Variants in LPIN1 observed in about 807,000 individuals in gnomAD.
LPIN1 encodes lipin 1.
LPIN1 carries 71 observed loss-of-function variants against 107.5 expected under a neutral mutation model. That is an observed-to-expected ratio of 0.66 (90% CI 0.55 to 0.80). The LOEUF (loss-of-function observed/expected upper bound fraction) is 0.80, where lower values mean the gene tolerates loss of function less well. Among genes scored for constraint, LPIN1 ranks in the 30% least tolerant of loss-of-function variants. The probability of loss-of-function intolerance (pLI) is 0.00; values close to 1 mark genes in which losing one functional copy is unlikely to be tolerated. For synonymous variants in LPIN1, 445 were observed against 452.6 expected, an observed-to-expected ratio of 0.98 and a Z score of 0.21; for missense variants, 1,043 against 1,160.6, an observed-to-expected ratio of 0.90 and a Z score of 1.47.
chr2:11,812,802 T>C (rs1045112805), intron 17 of LPIN1, among the ~76,000 whole-genome samples: 3 of 152,124 alleles, frequency 2.0e-5, no homozygotes, highest in Non-Finnish European at 4.4e-5. Context: ...TACATTTTCT[T>C]AGAGCACCAC....
intron 13 of LPIN1, among the ~76,000 whole-genome samples, 187 bp from the exon 14 acceptor site, chr2:11,795,221 A>G (rs760824826): frequency 2.6e-5 from 4 of 152,054 alleles, no homozygotes; most frequent in Admixed American, 1.3e-4. Flanking sequence ...TTCTTAGCAA[A>G]GTTGAGATCA....
At chr2:11,763,043 C>CACGA (rs1416123968) in intron 1 of LPIN1, 3 of 152,328 alleles carry the variant, frequency 2.0e-5, no homozygotes, top group Admixed American at 2.0e-4. Context: ...CACGTGGCTT[C>CACGA]ACGAGTCCGC....
At chr2:11,732,870 A>G (rs540042480) in intron 1 of LPIN1, among the ~76,000 whole-genome samples, 145 of 151,658 alleles carry the variant, frequency 9.6e-4, no homozygotes, top group Non-Finnish European at 1.6e-3. Flanking sequence ...CAGAATTACA[A>G]GTGTCCATTT....
chr2:11,762,377 C>T (rs900427737), intron 1 of LPIN1, among the ~76,000 whole-genome samples: 3 of 146,308 alleles, frequency 2.1e-5, no homozygotes, highest in African/African-American at 7.6e-5. Context: ...TTGATTAACT[C>T]ATCGGCCATT....
chr2:11,784,742 T>C (rs1674199776), intron 9 of LPIN1, 144 bp from the exon 10 acceptor site: 2 of 795,304 alleles, frequency 2.5e-6, no homozygotes, highest in Admixed American at 1.8e-5. Flanking sequence ...TTCCTTGTCG[T>C]GGTGCTTTAA....
In LPIN1 at chr2:11,692,469, C is replaced by A. The variant is rs1572323795; in HGVS notation, c.81+14741C>A. Among the ~76,000 whole-genome samples, 5 of 152,388 alleles carry A rather than the reference C, an allele frequency of 3.3e-5. No homozygotes were observed. In the South Asian group the frequency reaches 1.0e-3, roughly 32 times the overall value. ...GAGCTTTGCAATGTTCCGGGTTCTA[C>A]CCCTGTTGATGTTGACTCAGTAGAT... On this transcript the variant is annotated intron_variant, in intron 1 of 21. Transcript: ENST00000449576.
intron 1 of LPIN1, among the ~76,000 whole-genome samples, chr2:11,753,218 C>CTT (rs1558805069): frequency 6.6e-6 from 1 of 152,088 alleles, no homozygotes; most frequent in African/African-American, 2.4e-5. Flanking sequence ...GCTTTGGTGG[C>CTT]GGGACCCCAG....
chr2:11,690,554 T>G (rs1445621580), intron 1 of LPIN1, among the ~76,000 whole-genome samples: 1 of 152,214 alleles, frequency 6.6e-6, no homozygotes, highest in Non-Finnish European at 1.5e-5. Flanking sequence ...TTCTTTGTGA[T>G]CTCCTTAATT....
At position 11,707,313 on chromosome 2, in the gene LPIN1, G is replaced by A. The variant is rs890016205; in HGVS notation, c.82-6443G>A. ...CAGAGACCAGCATGAAGTGAGAGAAGGAGGCTTAGGGAGAATCTGCCAGGC... is the reference window on the plus strand; with the variant it reads ...CAGAGACCAGCATGAAGTGAGAGAAAGAGGCTTAGGGAGAATCTGCCAGGC... On this transcript the variant is annotated intron_variant, in intron 1 of 21. Coordinates refer to the LPIN1 transcript ENST00000449576. This position sits in a 1 kb window ranked among gnomAD's most constrained non-coding sequence, Gnocchi z 4.2. Among the ~76,000 whole-genome samples the A allele has an allele frequency of 1.3e-5, 2 of 152,092 alleles. No homozygotes were observed. Among genetic ancestry groups the A allele is most frequent in the Non-Finnish European group, 2.9e-5 (2 of 68,016 alleles).
intron 14 of LPIN1, among the ~76,000 whole-genome samples, chr2:11,802,058 TG>T (rs1213815749): frequency 6.6e-6 from 1 of 152,110 alleles, no homozygotes; most frequent in Non-Finnish European, 1.5e-5. Context: ...TGTGCTGCTT[TG>T]GGGGCCACTC....
chr2:11,806,472 G>A (rs1003915921), intron 17 of LPIN1, among the ~76,000 whole-genome samples: 4 of 152,026 alleles, frequency 2.6e-5, no homozygotes, highest in Admixed American at 2.6e-4. Flanking sequence ...GGCACATGTC[G>A]ATAGTCCCAG....
At chr2:11,746,908 G>C (rs1454239689) in intron 1 of LPIN1, among the ~76,000 whole-genome samples, 1 of 152,186 alleles carries the variant, frequency 6.6e-6, no homozygotes. Context: ...AGCATCCCTC[G>C]GGCCTGGCTT....
intron 15 of LPIN1, among the ~76,000 whole-genome samples, chr2:11,804,167 G>A (rs575298224): frequency 3.3e-5 from 5 of 152,210 alleles, no homozygotes; most frequent in South Asian, 4.1e-4. Flanking sequence ...ACTATCCTGG[G>A]AAGTAGAACA....
At chr2:11,769,780 G>T (rs1419671072) in intron 3 of LPIN1, among the ~76,000 whole-genome samples, 1 of 152,170 alleles carries the variant, frequency 6.6e-6, no homozygotes, top group Non-Finnish European at 1.5e-5. Flanking sequence ...CCTTAAAGGG[G>T]TCTGATGTAG....
chr2:11,759,665 C>T (rs557707350), intron 1 of LPIN1, among the ~76,000 whole-genome samples: 2 of 152,394 alleles, frequency 1.3e-5, no homozygotes, highest in African/African-American at 4.8e-5. Context: ...CCGCCATTGT[C>T]ATCATGGCCC....
intron 17 of LPIN1, among the ~76,000 whole-genome samples, chr2:11,812,769 C>G (rs1445942749): frequency 6.6e-6 from 1 of 152,114 alleles, no homozygotes; most frequent in African/African-American, 2.4e-5. Context: ...CAGGAGGGCT[C>G]TGAGTGTGAG....
At chr2:11,814,365 G>A (rs1189809127) in intron 17 of LPIN1, among the ~76,000 whole-genome samples, 5 of 152,158 alleles carry the variant, frequency 3.3e-5, no homozygotes, top group African/African-American at 1.2e-4. Flanking sequence ...GAGAACAAGA[G>A]TCTGCTAGGA....
chr2:11,812,821 G>A (rs997049714), intron 17 of LPIN1, among the ~76,000 whole-genome samples: 9 of 152,304 alleles, frequency 5.9e-5, no homozygotes, highest in East Asian at 1.9e-4. Flanking sequence ...ACGTGGAGTC[G>A]GGATAGCAGC....
At chr2:11,775,778 T>C (rs932848813) in intron 5 of LPIN1, among the ~76,000 whole-genome samples, 3 of 151,730 alleles carry the variant, frequency 2.0e-5, no homozygotes, top group Admixed American at 6.6e-5. Context: ...TGTCTGAGTT[T>C]CTTTATTTTC....
Sources: gnomAD v4.1 joint callset for allele counts (sites outside exome capture counted in the v4.1 genomes callset) on GRCh38, gnomAD v4.1.1 for gene constraint, Gnocchi (gnomAD v3.1) non-coding constraint, MANE v1.5 for transcripts, NCBI Gene and HGNC (gene_info 2026-07-23, HGNC 2026-07-21) for gene names.